NCAM2: variants seen among roughly 807,000 people sequenced by gnomAD.
NCAM2 encodes N-CAM-2.
In NCAM2, 30 loss-of-function variants were observed where a neutral mutation model predicts 98.1. That is an observed-to-expected ratio of 0.31 (90% confidence interval 0.23 to 0.41). NCAM2 has a LOEUF of 0.41. Among genes scored for constraint, NCAM2 ranks in the 10% least tolerant of loss-of-function variants. The pLI, the probability that NCAM2 is intolerant of heterozygous loss-of-function variation, is 1.00. For synonymous variants in NCAM2, 368 were observed against 342.4 expected, an observed-to-expected ratio of 1.07 and a Z score of -0.83; for missense variants, 867 against 1,005.8, an observed-to-expected ratio of 0.86 and a Z score of 1.87.
chr21:21,267,481 A>G (rs1601819826), intron 1 of NCAM2, among the ~76,000 whole-genome samples: 1 of 152,322 alleles, frequency 6.6e-6, no homozygotes, highest in East Asian at 1.9e-4. Context: ...AATCTTAAGC[A>G]TGTCAGTCAA....
chr21:21,262,371 C>G (rs1296701108), intron 1 of NCAM2, among the ~76,000 whole-genome samples: 1 of 152,012 alleles, frequency 6.6e-6, no homozygotes, highest in African/African-American at 2.4e-5. Context: ...ACCAGTATTA[C>G]CCTGATACCA....
chr21:21,438,821 G>A (rs376018230), intron 12 of NCAM2, among the ~76,000 whole-genome samples: 21 of 151,990 alleles, frequency 1.4e-4, no homozygotes, highest in African/African-American at 5.1e-4. Context: ...GGTGGCTCAC[G>A]CTTGTGAAAC....
intron 1 of NCAM2, among the ~76,000 whole-genome samples, chr21:20,999,631 T>C (rs2063983324): frequency 6.6e-6 from 1 of 152,206 alleles, no homozygotes; most frequent in East Asian, 1.9e-4. Context: ...TTGCAAAGAA[T>C]GTTATGTTGT....
Position 21,536,375 on chromosome 21 carries a change from T to G in NCAM2, c.2403-1471T>G, listed in dbSNP as rs1989981590. ...GTAAGGTTAAAGTCACAGAGATGGA[T>G]TGGAATACTATTTCTTTCTTTTTTT... is the stretch of plus-strand genomic sequence containing the variant. On this transcript the variant is annotated intron_variant, in intron 17 of 17. Transcript: ENST00000400546. 1.3e-5 allele frequency among the ~76,000 whole-genome samples: 2 copies of G among 150,960 alleles called. 1 individual carries two copies. The highest frequency in any genetic ancestry group is 2.9e-5 in the Non-Finnish European group (2 of 67,802).
chr21:21,441,883 G>T (rs975692038), intron 12 of NCAM2, among the ~76,000 whole-genome samples: 1 of 152,128 alleles, frequency 6.6e-6, no homozygotes. Flanking sequence ...AAATCAGAAA[G>T]ATACGAGGCT....
At chr21:21,141,026 A>T (rs1271379896) in intron 1 of NCAM2, among the ~76,000 whole-genome samples, 5 of 152,074 alleles carry the variant, frequency 3.3e-5, no homozygotes, top group South Asian at 2.1e-4. Flanking sequence ...GGAGGCAAAG[A>T]CTCTCCATTC....
chr21:21,393,308 T>C (rs2076421821), intron 9 of NCAM2, among the ~76,000 whole-genome samples: 1 of 152,170 alleles, frequency 6.6e-6, no homozygotes, highest in African/African-American at 2.4e-5. Flanking sequence ...GGTCTATATG[T>C]CTGCTCTTGT....
At chr21:21,198,717 T>C (rs536297113) in intron 1 of NCAM2, among the ~76,000 whole-genome samples, 1 of 152,182 alleles carries the variant, frequency 6.6e-6, no homozygotes, top group Non-Finnish European at 1.5e-5. Context: ...CTACTGTGGC[T>C]ATAAACTTCC....
intron 5 of NCAM2, among the ~76,000 whole-genome samples, chr21:21,319,000 C>T (rs1451680334): frequency 6.6e-6 from 1 of 152,026 alleles, no homozygotes; most frequent in African/African-American, 2.4e-5. Flanking sequence ...TGGCCAGGCT[C>T]TGTGAGACAC....
At chr21:21,064,603 G>C (rs1038837614) in intron 1 of NCAM2, among the ~76,000 whole-genome samples, 2 of 151,982 alleles carry the variant, frequency 1.3e-5, no homozygotes, top group African/African-American at 4.8e-5. Flanking sequence ...TGCCCCTCAG[G>C]GTTCATCACT....
chr21:21,527,672 G>A (rs576957575), intron 16 of NCAM2, among the ~76,000 whole-genome samples: 4 of 152,204 alleles, frequency 2.6e-5, no homozygotes, highest in Admixed American at 2.0e-4. Context: ...CAAGCCTATC[G>A]AAATGGTCAA....
chr21:21,092,985 C>G (rs1159244871), intron 1 of NCAM2, among the ~76,000 whole-genome samples: 1 of 147,218 alleles, frequency 6.8e-6, no homozygotes, highest in African/African-American at 2.5e-5. Context: ...CCTGACATTG[C>G]CTGAGTCTTT....
intron 10 of NCAM2, among the ~76,000 whole-genome samples, chr21:21,411,037 CATATATATATGTGTGTGTATAT>C (rs2076850712): frequency 3.8e-5 from 2 of 53,298 alleles, no homozygotes; most frequent in South Asian, 6.7e-4. Flanking sequence ...TATATACACA[CATATATATATGTGTGTGTATAT>C]ATATATATAT....
chr21:21,057,800 G>T (rs1185157983), intron 1 of NCAM2, among the ~76,000 whole-genome samples: 2 of 151,998 alleles, frequency 1.3e-5, no homozygotes, highest in Admixed American at 1.3e-4. Context: ...GCTCCTAAAA[G>T]CTTCAGGCCT....
At chr21:21,313,140 G>A (rs937308775) in intron 5 of NCAM2, among the ~76,000 whole-genome samples, 8 of 151,716 alleles carry the variant, frequency 5.3e-5, no homozygotes, top group African/African-American at 1.9e-4. Flanking sequence ...CTTGCTGGAG[G>A]TTTAATCATT....
At chr21:21,182,230 G>C (rs2068501665) in intron 1 of NCAM2, among the ~76,000 whole-genome samples, 1 of 151,998 alleles carries the variant, frequency 6.6e-6, no homozygotes, top group African/African-American at 2.4e-5. Context: ...ACCTTCCCAT[G>C]TTGATTCATG....
At chr21:21,317,312 T>G (rs529039058) in intron 5 of NCAM2, among the ~76,000 whole-genome samples, 2 of 152,266 alleles carry the variant, frequency 1.3e-5, no homozygotes, top group South Asian at 4.1e-4. Context: ...TCAAACTCAT[T>G]ATGTGTTAAT....
chr21:21,529,198 C>T (rs1453722838), intron 16 of NCAM2, among the ~76,000 whole-genome samples: 1 of 151,988 alleles, frequency 6.6e-6, no homozygotes, highest in Admixed American at 6.6e-5. Flanking sequence ...TGAAATATTA[C>T]ATGAATACCC....
chr21:21,493,913 C>G (rs2146314979), intron 15 of NCAM2, among the ~76,000 whole-genome samples: 1 of 151,992 alleles, frequency 6.6e-6, no homozygotes, highest in Non-Finnish European at 1.5e-5. Flanking sequence ...TGTCTTCAGT[C>G]AGATGCATTA....
Sources: allele counts gnomAD v4.1 joint callset (sites outside exome capture counted in the v4.1 genomes callset), GRCh38; gene constraint gnomAD v4.1.1; transcripts MANE v1.5; gene names NCBI Gene and HGNC (gene_info 2026-07-23, HGNC 2026-07-21).